Variants in METTL15 observed in about 807,000 individuals in gnomAD.
METTL15 encodes methyltransferase 15, mitochondrial 12S rRNA N4-cytidine.
In METTL15, 34 loss-of-function variants were observed where a neutral mutation model predicts 38.3. The observed-to-expected ratio is 0.89, with a 90% CI of 0.68 to 1.18. The LOEUF (loss-of-function observed/expected upper bound fraction) is 1.18. Among genes scored for constraint, METTL15 ranks in the 50% most tolerant of loss-of-function variants. The probability of loss-of-function intolerance (pLI) is 0.00; values close to 1 mark genes in which losing one functional copy is unlikely to be tolerated. For missense variants in METTL15, 438 were observed against 498.4 expected (o/e 0.88, Z 1.15); for synonymous variants, 162 against 170.9 (o/e 0.95, Z 0.41).
chr11:28,167,868 T>A (rs571024742), intron 3 of METTL15, among the ~76,000 whole-genome samples: 1 of 152,224 alleles, frequency 6.6e-6, no homozygotes, highest in South Asian at 2.1e-4. Context: ...AAGTTAACTT[T>A]TTTATTGAGG....
chr11:28,461,648 A>G (rs1023032375), intron 6 of METTL15, among the ~76,000 whole-genome samples: 1 of 152,108 alleles, frequency 6.6e-6, no homozygotes, highest in Non-Finnish European at 1.5e-5. Context: ...ATTACAAAAA[A>G]AAAGAGATGT....
chr11:28,387,393 A>T (rs1298963525), intron 5 of METTL15, among the ~76,000 whole-genome samples: 1 of 151,902 alleles, frequency 6.6e-6, no homozygotes, highest in Admixed American at 6.6e-5. Flanking sequence ...AAAATAAAAG[A>T]TCATGATATA....
chr11:28,421,596 G>A (rs1023544325), intron 5 of METTL15, among the ~76,000 whole-genome samples: 8 of 151,928 alleles, frequency 5.3e-5, no homozygotes, highest in African/African-American at 1.9e-4. Context: ...TCAACAGAAT[G>A]GAGGACAAAA....
At chr11:28,298,201 CT>C (rs1271082758) in intron 6 of METTL15, among the ~76,000 whole-genome samples, 1 of 152,034 alleles carries the variant, frequency 6.6e-6, no homozygotes, top group African/African-American at 2.4e-5. Flanking sequence ...AAGTCATCCC[CT>C]GTCTGGTGTT....
intron 3 of METTL15, among the ~76,000 whole-genome samples, chr11:28,208,966 GT>G (rs1358638534): frequency 6.6e-6 from 1 of 151,894 alleles, no homozygotes; most frequent in African/African-American, 2.4e-5. Flanking sequence ...TTCCCTTCTA[GT>G]TTCATAAATT....
At chr11:28,197,994 C>T (rs968402565) in intron 3 of METTL15, among the ~76,000 whole-genome samples, 4 of 152,012 alleles carry the variant, frequency 2.6e-5, no homozygotes, top group African/African-American at 9.7e-5. Flanking sequence ...TTTGTTTTCA[C>T]ATTGTTTTTC....
intron 6 of METTL15, among the ~76,000 whole-genome samples, chr11:28,432,383 C>T (rs1330751497): frequency 6.6e-6 from 1 of 152,090 alleles, no homozygotes; most frequent in Non-Finnish European, 1.5e-5. Flanking sequence ...ACTAAGTCTA[C>T]TTATGTACAC....
intron 4 of METTL15, among the ~76,000 whole-genome samples, chr11:28,252,138 A>G (rs1224405647): frequency 6.6e-6 from 1 of 152,190 alleles, no homozygotes; most frequent in Admixed American, 6.6e-5. Flanking sequence ...GTGAACAACA[A>G]CAAAAATGTC....
intron 5 of METTL15, among the ~76,000 whole-genome samples, chr11:28,396,913 A>G (rs541476116): frequency 1.3e-4 from 20 of 152,310 alleles, no homozygotes; most frequent in Admixed American, 1.1e-3. Flanking sequence ...ATGGAACAGA[A>G]CAGAGCCCTC....
intron 6 of METTL15, among the ~76,000 whole-genome samples, chr11:28,484,551 A>G (rs940249021): frequency 2.0e-5 from 3 of 152,018 alleles, no homozygotes; most frequent in African/African-American, 2.4e-5. Flanking sequence ...TGCAGTCTCT[A>G]TATAGGCCAT....
intron 5 of METTL15, among the ~76,000 whole-genome samples, chr11:28,409,344 T>C (rs1484674515): frequency 8.3e-6 from 1 of 120,438 alleles, no homozygotes; most frequent in Non-Finnish European, 1.6e-5. Flanking sequence ...ATGATGCCAC[T>C]GCACTCCAGC....
rs183928678 is a variant in METTL15, at chr11:28,207,923, G to A, written c.271-3139G>A. Among the ~76,000 whole-genome samples the A allele has an allele frequency of 3.0e-3, 457 of 152,200 alleles. 1 individual carries two copies. The highest frequency in any genetic ancestry group is 4.5e-3 in the Non-Finnish European group (308 of 67,992). The stretch of plus-strand genomic sequence containing the variant: ...GAGGTGTTTGTAATATTCTCTGATG[G>A]TAGTTTGTATTTCTGTGGGATCTGT... On this transcript the variant is annotated intron_variant, in intron 3 of 6. Coordinates refer to ENST00000407364, the MANE Select transcript of METTL15 (RefSeq NM_001113528.2).
At chr11:28,530,148 C>T (rs2133520961), downstream of METTL15, among the ~76,000 whole-genome samples, 1 of 152,224 alleles carries the variant, frequency 6.6e-6, no homozygotes, top group East Asian at 1.9e-4. Context: ...AATGAAACAA[C>T]ATAAGCACAG....
downstream of METTL15, among the ~76,000 whole-genome samples, chr11:28,336,117 G>T (rs1849898762): frequency 6.6e-6 from 1 of 152,122 alleles, no homozygotes; most frequent in Admixed American, 6.6e-5. Context: ...AATTGATAGG[G>T]TTATAGTCTG....
At chr11:28,513,668 AGC>A (rs1851695298) in intron 6 of METTL15, among the ~76,000 whole-genome samples, 1 of 152,244 alleles carries the variant, frequency 6.6e-6, no homozygotes, top group African/African-American at 2.4e-5. Context: ...GCCAGTCATT[AGC>A]ATTGTTTCTA....
chr11:28,492,080 C>T (rs1590393147), intron 6 of METTL15, among the ~76,000 whole-genome samples: 1 of 152,238 alleles, frequency 6.6e-6, no homozygotes, highest in African/African-American at 2.4e-5. Flanking sequence ...ATGATGGCAA[C>T]AAATATGTCT....
At chr11:28,211,513 A>C (rs2133841324) in intron 4 of METTL15, among the ~76,000 whole-genome samples, 1 of 152,240 alleles carries the variant, frequency 6.6e-6, no homozygotes, top group East Asian at 1.9e-4. Context: ...AATAATTTTT[A>C]AACATTTTTA....
At chr11:28,297,760 A>G (rs1173397784) in intron 6 of METTL15, among the ~76,000 whole-genome samples, 1 of 152,120 alleles carries the variant, frequency 6.6e-6, no homozygotes, top group African/African-American at 2.4e-5. Context: ...TTTATTTACC[A>G]AATGTATTAA....
chr11:28,238,748 G>T (rs1336505995), intron 4 of METTL15, among the ~76,000 whole-genome samples: 1 of 152,102 alleles, frequency 6.6e-6, no homozygotes, highest in Non-Finnish European at 1.5e-5. Context: ...TGGGCATCTT[G>T]GCTCCTCCAT....
Sources: gnomAD v4.1 joint callset for allele counts (sites outside exome capture counted in the v4.1 genomes callset) on GRCh38, gnomAD v4.1.1 for gene constraint, MANE v1.5 for transcripts, NCBI Gene and HGNC (gene_info 2026-07-23, HGNC 2026-07-21) for gene names.